The following ADAM32 variants were observed in gnomAD, a reference collection of about 807,000 sequenced individuals.
The protein encoded by ADAM32 is disintegrin and metalloproteinase domain-containing protein 32.
In ADAM32, 89 loss-of-function variants were observed where a neutral mutation model predicts 114.9. The observed-to-expected ratio is 0.77, with a 90% CI of 0.65 to 0.92. ADAM32 has a LOEUF of 0.92. ADAM32 is among the 40% of genes least tolerant of loss of function. The pLI, the probability that ADAM32 is intolerant of heterozygous loss-of-function variation, is 0.00. For missense variants in ADAM32, 870 were observed against 932.8 expected (o/e 0.93, Z 0.88); for synonymous variants, 285 against 307.5 (o/e 0.93, Z 0.77).
At chr8:39,279,484 A>G (rs577702173) in intron 22 of ADAM32, among the ~76,000 whole-genome samples, 3 of 152,138 alleles carry the variant, frequency 2.0e-5, no homozygotes, top group Non-Finnish European at 4.4e-5. Context: ...GGGTTTCACC[A>G]TCTTGGCCAG....
intron 1 of ADAM32, 143 bp downstream of exon 1, chr8:39,107,976 C>A: frequency 8.5e-7 from 1 of 1,175,620 alleles, no homozygotes; most frequent in South Asian, 1.7e-5. Context: ...GATTAGGCGC[C>A]CCGTCCGGAT....
chr8:39,142,202 A>G (rs1435270313), intron 3 of ADAM32, among the ~76,000 whole-genome samples: 5 of 152,156 alleles, frequency 3.3e-5, no homozygotes, highest in Non-Finnish European at 5.9e-5. Flanking sequence ...GTCCATTTAT[A>G]TTTATGGTTA....
At chr8:39,252,793 CA>C (rs1811388496) in intron 17 of ADAM32, among the ~76,000 whole-genome samples, 1 of 151,332 alleles carries the variant, frequency 6.6e-6, no homozygotes, top group African/African-American at 2.4e-5. Context: ...ATTTATACAC[CA>C]ACAAGTTGGA....
In ADAM32 at chr8:39,258,155, A is replaced by G. The variant is rs371243862; in HGVS notation, c.2162+812A>G. ...TCTTTTTTTTTTCTTTTTCATGAGC[A>G]GTCCGCTCAGAGGTGTTTTTATTTT... On this transcript the variant is annotated intron_variant, in intron 19 of 24. Transcript: ENST00000379907. Among the ~76,000 whole-genome samples the G allele has an allele frequency of 2.7e-4, 41 of 151,056 alleles. 1 individual carries two copies. In the East Asian group the frequency reaches 4.7e-3, roughly 17 times the overall value.
At position 39,246,088 on chromosome 8, in the gene ADAM32, T is replaced by G; in HGVS notation, c.1824T>G (p.Cys608Trp). ...TTGTATGTGTTTTTCTTTAGGTTTG[T>G]GTAAATCGTGAATGTGTAGAATCAA... is the stretch of plus-strand genomic sequence containing the variant. ...NGSQCDIGRV[C>W]VNRECVESRI... The change falls in exon 17 of 25, where the codon TGT becomes TGG. Residue 608 changes from cysteine to tryptophan, a missense_variant. Coordinates refer to ENST00000379907, the MANE Select transcript of ADAM32 (RefSeq NM_145004.7). The G allele has an allele frequency of 1.9e-6, 3 of 1,613,396 alleles. No homozygotes were observed. Among genetic ancestry groups the G allele is most frequent in the Non-Finnish European group, 2.5e-6 (3 of 1,179,500 alleles).
rs1234534250 is a variant in ADAM32 at position 39,284,814 on chromosome 8, G to A, written c.*15G>A. 1.2e-6 allele frequency: 2 copies of A among 1,613,548 alleles called. No individual in the cohort carries two copies. Among genetic ancestry groups the A allele is most frequent in the Non-Finnish European group, 8.5e-7 (1 of 1,179,680 alleles). ...ACAGTAACTAGTGATTCCTTCAGAA[G>A]GCAACGGATAACATCGAGAGTCTCG... On this transcript the variant is annotated 3_prime_UTR_variant, in exon 25 of 25. Transcript: ENST00000379907.
intron 6 of ADAM32, among the ~76,000 whole-genome samples, chr8:39,153,389 G>A (rs993223925): frequency 2.0e-5 from 3 of 152,180 alleles, no homozygotes; most frequent in African/African-American, 7.2e-5. Flanking sequence ...TTTTTGTGGG[G>A]ATGATGCAGG....
At chr8:39,153,866 G>A (rs902435613) in intron 6 of ADAM32, among the ~76,000 whole-genome samples, 1 of 152,044 alleles carries the variant, frequency 6.6e-6, no homozygotes, top group Non-Finnish European at 1.5e-5. Context: ...CTACAATAAA[G>A]TTATTTGAGC....
chr8:39,232,162 T>C (rs746313688), intron 15 of ADAM32, 27 bp downstream of exon 15: 19 of 1,516,570 alleles, frequency 1.3e-5, no homozygotes, highest in Non-Finnish European at 1.7e-5. Flanking sequence ...TAAATGATAC[T>C]TTTCTTATAT....
intron 10 of ADAM32, among the ~76,000 whole-genome samples, chr8:39,175,087 A>T (rs185952749): frequency 6.6e-6 from 1 of 152,296 alleles, no homozygotes; most frequent in African/African-American, 2.4e-5. Flanking sequence ...TTTTGGGCTG[A>T]GAGGATGAAG....
rs1304563781 is a variant in ADAM32 at position 39,232,258 on chromosome 8, C to G, written c.1634+123C>G. On this transcript the variant is annotated intron_variant, in intron 15 of 24. Transcript: ENST00000379907. The stretch of plus-strand genomic sequence containing the variant: ...ATTACATGTGCATAGGAGTGAACCT[C>G]AAATCAAAATCCCCAGCCCTGACAC... 4 of 661,604 alleles carry G rather than the reference C, an allele frequency of 6.0e-6. No homozygotes were observed. In the East Asian group the frequency reaches 1.2e-4, roughly 21 times the overall value. 41.0% of individuals were successfully genotyped at this position (661,604 alleles called of 1,614,324 possible).
At chr8:39,131,101 C>T (rs573441896) in intron 2 of ADAM32, among the ~76,000 whole-genome samples, 39 of 151,854 alleles carry the variant, frequency 2.6e-4, no homozygotes, top group East Asian at 1.2e-3. Flanking sequence ...GGACTACAGG[C>T]GCCCGCCACC....
At chr8:39,190,005 A>T (rs879750221) in intron 11 of ADAM32, among the ~76,000 whole-genome samples, 23 of 152,278 alleles carry the variant, frequency 1.5e-4, no homozygotes, top group Admixed American at 1.4e-3. Context: ...TTTTTAGTAG[A>T]GACGAGATTT....
At chr8:39,185,252 T>C (rs945983504) in intron 10 of ADAM32, among the ~76,000 whole-genome samples, 37 of 112,482 alleles carry the variant, frequency 3.3e-4, no homozygotes, top group African/African-American at 1.1e-3. Context: ...GCAACACGAG[T>C]GAAACTCCAT....
At position 39,245,071 on chromosome 8, in the gene ADAM32, C is replaced by A. The variant is rs557575176; in HGVS notation, c.1819-1012C>A. Among the ~76,000 whole-genome samples the A allele has an allele frequency of 3.2e-3, 486 of 152,160 alleles. 2 individuals carry two copies. The highest frequency in any genetic ancestry group is 0.01 in the African/African-American group (435 of 41,546). The stretch of plus-strand genomic sequence containing the variant: ...ATAATCAGCAGAGTAAACAGACAAC[C>A]CACAGTGGCTAAGAAAATGTGGTAT... On this transcript the variant is annotated intron_variant, in intron 16 of 24. Transcript: ENST00000379907.
In ADAM32 at chr8:39,223,190, G is replaced by T. The variant is rs777143871; in HGVS notation, c.1477G>T (p.Gly493Ter). Residue 493 changes from glycine to a stop codon, truncating the protein, a stop_gained, in exon 14 of 25, where the codon GGA becomes TGA. Transcript: ENST00000379907. LOFTEE classifies it high-confidence loss of function. ...AAATAATAAGTTTATTTGTTATGACGGAGACTGCCATGATCTCGATGCACG... is the reference window on the plus strand; with the variant it reads ...AAATAATAAGTTTATTTGTTATGACTGAGACTGCCATGATCTCGATGCACG... ...CKNNKFICYD[G>*]DCHDLDARCE... The T allele has an allele frequency of 6.3e-7, 1 of 1,598,174 alleles. No homozygotes were observed. The highest frequency in any genetic ancestry group is 8.5e-7 in the Non-Finnish European group (1 of 1,173,226).
chr8:39,173,610 G>C (rs1382484465), intron 10 of ADAM32, among the ~76,000 whole-genome samples: 5 of 152,002 alleles, frequency 3.3e-5, no homozygotes, highest in Admixed American at 6.5e-5. Flanking sequence ...CCCTCTGTAA[G>C]TTGTCTATTC....
At position 39,138,845 on chromosome 8, in the gene ADAM32, G is replaced by C. The variant is rs371333574; in HGVS notation, c.200+2127G>C. Reference sequence around the variant, plus strand: ...TCCTCTCCAGCATCTGTTGTTTCCTGACCGCTTAAAGATTGCTGTTCTAAG... The same window carrying C: ...TCCTCTCCAGCATCTGTTGTTTCCTCACCGCTTAAAGATTGCTGTTCTAAG... On this transcript the variant is annotated intron_variant, in intron 3 of 24. Transcript: ENST00000379907. 3.9e-5 allele frequency among the ~76,000 whole-genome samples: 6 copies of C among 152,264 alleles called. No homozygotes were observed. In the East Asian group the frequency reaches 9.7e-4, roughly 25 times the overall value.
chr8:39,210,934 T>C (rs1485124594), intron 11 of ADAM32, among the ~76,000 whole-genome samples: 2 of 152,200 alleles, frequency 1.3e-5, no homozygotes, highest in Non-Finnish European at 2.9e-5. Context: ...TGTGTTGCTA[T>C]TGAATTGTAC....
Sources: allele counts gnomAD v4.1 joint callset (sites outside exome capture counted in the v4.1 genomes callset), GRCh38; gene constraint gnomAD v4.1.1; transcripts MANE v1.5; gene names NCBI Gene and HGNC (gene_info 2026-07-23, HGNC 2026-07-21).